The following GRIA1 variants were observed in gnomAD, a reference collection of about 807,000 sequenced individuals.
GRIA1 encodes glutamate ionotropic receptor AMPA type subunit 1.
A neutral mutation model predicts 99.2 loss-of-function variants in GRIA1; 31 were observed. The ratio of observed to expected loss-of-function variants is 0.31; its 90% CI spans 0.23 to 0.42. The LOEUF is 0.42. GRIA1 is among the 10% of genes least tolerant of loss of function. The probability of loss-of-function intolerance (pLI) is 1.00; values close to 1 mark genes in which losing one functional copy is unlikely to be tolerated. For synonymous variants in GRIA1, 438 were observed against 432.4 expected (o/e 1.01, Z -0.16); for missense variants, 782 against 1,157.5 (o/e 0.68, Z 4.71).
At chr5:153,569,013 A>C (rs1321057303) in intron 2 of GRIA1, among the ~76,000 whole-genome samples, 1 of 152,160 alleles carries the variant, frequency 6.6e-6, no homozygotes, top group African/African-American at 2.4e-5. Flanking sequence ...AAATCTACCC[A>C]GTTGCCTACC....
At position 153,502,731 on chromosome 5, in the gene GRIA1, G is replaced by A. The variant is rs186495291; in HGVS notation, c.220+8666G>A. Among the ~76,000 whole-genome samples the A allele has an allele frequency of 2.2e-3, 340 of 152,238 alleles. 1 individual carries two copies. Among genetic ancestry groups the A allele is most frequent in the African/African-American group, 7.8e-3 (324 of 41,528 alleles). On this transcript the variant is annotated intron_variant, in intron 2 of 15. Transcript: ENST00000285900. ...CAAAACTGGGGCAAATGAGGCAGTT[G>A]GAGGCTAATGAAATTGATACCCTAT...
intron 2 of GRIA1, among the ~76,000 whole-genome samples, chr5:153,631,791 G>A (rs1189982464): frequency 6.6e-6 from 1 of 152,124 alleles, no homozygotes; most frequent in Non-Finnish European, 1.5e-5. Flanking sequence ...GTAAAGTTCT[G>A]TGAAGGATAC....
intron 11 of GRIA1, among the ~76,000 whole-genome samples, chr5:153,748,292 G>A (rs574205029): frequency 2.8e-4 from 43 of 152,314 alleles, no homozygotes; most frequent in Admixed American, 2.6e-3. Flanking sequence ...TAGGAGGCAG[G>A]TTTGGGACAA....
At chr5:153,724,969 A>C (rs1760396336) in intron 11 of GRIA1, among the ~76,000 whole-genome samples, 1 of 152,212 alleles carries the variant, frequency 6.6e-6, no homozygotes, top group Non-Finnish European at 1.5e-5. Context: ...GTTGAAATGA[A>C]GGAAAAAATG....
intron 2 of GRIA1, among the ~76,000 whole-genome samples, chr5:153,531,791 C>T (rs892713470): frequency 1.3e-5 from 2 of 152,090 alleles, no homozygotes; most frequent in African/African-American, 4.8e-5. Context: ...TCAATATATG[C>T]CAGACCCTAG....
At chr5:153,516,513 A>C (rs1434515114) in intron 2 of GRIA1, among the ~76,000 whole-genome samples, 1 of 152,084 alleles carries the variant, frequency 6.6e-6, no homozygotes, top group Non-Finnish European at 1.5e-5. Context: ...ACCACACAGC[A>C]TTCTAATGTT....
rs1037296092 is a variant in GRIA1 at position 153,811,869 on chromosome 5, C to T, written c.*644C>T. ...GCTGCCTTCCCCAAGTGGGGCACTGCTTAAGCACTTATTCAGTGGAGAACA... is the reference window on the plus strand; with the variant it reads ...GCTGCCTTCCCCAAGTGGGGCACTGTTTAAGCACTTATTCAGTGGAGAACA... On this transcript the variant is annotated 3_prime_UTR_variant, in exon 16 of 16. Coordinates refer to ENST00000285900, the MANE Select transcript of GRIA1 (RefSeq NM_000827.4). 6.5e-6 allele frequency: 1 copy of T among 153,280 alleles called. No homozygotes were observed. The highest frequency in any genetic ancestry group is 2.4e-5 in the African/African-American group (1 of 41,442). 9.5% of individuals were successfully genotyped at this position (153,280 alleles called of 1,614,324 possible). A position where few individuals can be genotyped will look rare whatever the true frequency, so the allele number is the denominator to read the frequency against.
intron 2 of GRIA1, among the ~76,000 whole-genome samples, chr5:153,640,519 C>T (rs550440092): frequency 6.6e-6 from 1 of 152,334 alleles, no homozygotes; most frequent in Non-Finnish European, 1.5e-5. Context: ...GTGCCCTTCT[C>T]TTTTATCTTG....
chr5:153,748,975 G>A (rs1053384297), intron 11 of GRIA1, among the ~76,000 whole-genome samples: 17 of 152,202 alleles, frequency 1.1e-4, no homozygotes, highest in South Asian at 2.1e-4. Flanking sequence ...CCATGTGTCC[G>A]GAGGAGATCA....
intron 11 of GRIA1, among the ~76,000 whole-genome samples, chr5:153,753,716 C>T (rs1762641829): frequency 7.4e-6 from 1 of 135,952 alleles, no homozygotes; most frequent in Admixed American, 7.6e-5. Flanking sequence ...AAAAAAAATC[C>T]TCAAATACCC....
chr5:153,745,674 G>T (rs890437170), intron 11 of GRIA1, among the ~76,000 whole-genome samples: 2 of 149,826 alleles, frequency 1.3e-5, no homozygotes, highest in African/African-American at 4.9e-5. Context: ...AAAGTAAAAA[G>T]GTAAGGAAAA....
At chr5:153,688,302 T>C (rs914399176) in intron 8 of GRIA1, among the ~76,000 whole-genome samples, 6 of 152,048 alleles carry the variant, frequency 3.9e-5, no homozygotes, top group African/African-American at 1.4e-4. Flanking sequence ...ACTTTTGGCA[T>C]GTTGATTGTA....
In GRIA1 at chr5:153,748,672, T is replaced by C. The variant is rs117317179; in HGVS notation, c.1824-15762T>C. 3.6e-4 allele frequency among the ~76,000 whole-genome samples: 55 copies of C among 152,108 alleles called. No individual in the cohort carries two copies. The East Asian group carries it at 8.9e-3, about 25-fold the overall frequency. On this transcript the variant is annotated intron_variant, in intron 11 of 15. Coordinates refer to ENST00000285900, the MANE Select transcript of GRIA1 (RefSeq NM_000827.4). Reference sequence around the variant, plus strand: ...GCTGCCTATGAAGATGAGGGGATGATTGGACTGGATGGGCTGGATGTGTGG... The same window carrying C: ...GCTGCCTATGAAGATGAGGGGATGACTGGACTGGATGGGCTGGATGTGTGG...
rs561449720 is a variant in GRIA1 at position 153,531,020 on chromosome 5, G to A, written c.220+36955G>A. On this transcript the variant is annotated intron_variant, in intron 2 of 15. Transcript: ENST00000285900. ...CAGGGGGAAAATAAGACTGGGTGAT[G>A]TGACAGAGAGCTGTTGGTCTGGACA... 2.2e-4 allele frequency among the ~76,000 whole-genome samples: 33 copies of A among 152,334 alleles called. No individual in the cohort carries two copies. In the East Asian group the frequency reaches 6.4e-3, roughly 29 times the overall value.
chr5:153,565,068 G>A (rs1761494622), intron 2 of GRIA1, among the ~76,000 whole-genome samples: 1 of 152,112 alleles, frequency 6.6e-6, no homozygotes, highest in Non-Finnish European at 1.5e-5. Context: ...GAACTTAGAG[G>A]ATATGGAAAC....
intron 15 of GRIA1, among the ~76,000 whole-genome samples, chr5:153,803,533 C>T (rs529185605): frequency 6.6e-6 from 1 of 152,158 alleles, no homozygotes; most frequent in Non-Finnish European, 1.5e-5. Context: ...GATAGGAAGG[C>T]CTACAGGAAT....
intron 2 of GRIA1, among the ~76,000 whole-genome samples, chr5:153,534,103 G>C (rs558407101): frequency 1.3e-5 from 2 of 152,344 alleles, no homozygotes; most frequent in South Asian, 4.1e-4. Context: ...TGCTGCCTCG[G>C]AAATGTCACC....
At chr5:153,769,533 A>C (rs538605401) in intron 12 of GRIA1, among the ~76,000 whole-genome samples, 1 of 152,180 alleles carries the variant, frequency 6.6e-6, no homozygotes, top group South Asian at 2.1e-4. Flanking sequence ...GTTTAGGGGG[A>C]AATACGGAAG....
chr5:153,775,111 A>G (rs1338185029), intron 13 of GRIA1, among the ~76,000 whole-genome samples: 1 of 152,196 alleles, frequency 6.6e-6, no homozygotes, highest in Non-Finnish European at 1.5e-5. Flanking sequence ...ATTATGATCT[A>G]TTGGCCCTTT....
Sources: allele counts gnomAD v4.1 joint callset (sites outside exome capture counted in the v4.1 genomes callset), GRCh38; gene constraint gnomAD v4.1.1; transcripts MANE v1.5; gene names NCBI Gene and HGNC (gene_info 2026-07-23, HGNC 2026-07-21).